ITGA11: variants seen among roughly 807,000 people sequenced by gnomAD.
ITGA11 encodes integrin alpha-11.
ITGA11 carries 97 observed loss-of-function variants against 141.9 expected under a neutral mutation model. The ratio of observed to expected loss-of-function variants is 0.68; its 90% CI spans 0.58 to 0.81. ITGA11 has a LOEUF of 0.81. Ranked by LOEUF, ITGA11 falls within the 30% of genes least tolerant of loss-of-function variation. ITGA11 has a pLI of 0.00. For synonymous variants in ITGA11, 658 were observed against 624.6 expected, an observed-to-expected ratio of 1.05 and a Z score of -0.80; for missense variants, 1,387 against 1,559.2, an observed-to-expected ratio of 0.89 and a Z score of 1.86.
chr15:68,316,014 A>G (rs964436458), intron 21 of ITGA11, among the ~76,000 whole-genome samples: 3 of 152,214 alleles, frequency 2.0e-5, no homozygotes, highest in Non-Finnish European at 2.9e-5. Flanking sequence ...TTTTTAGCAA[A>G]AGGCAACCAG....
intron 10 of ITGA11, among the ~76,000 whole-genome samples, chr15:68,340,172 G>A (rs560259361): frequency 5.4e-5 from 8 of 148,744 alleles, no homozygotes; most frequent in East Asian, 4.0e-4. Context: ...ATTGTCCCCC[G>A]TATCCCCGCC....
chr15:68,326,560 G>T lies in ITGA11; in HGVS notation c.2211+94C>A. 2 of 1,395,746 alleles carry T rather than the reference G, an allele frequency of 1.4e-6. No individual in the cohort carries two copies. The highest frequency in any genetic ancestry group is 1.9e-6 in the Non-Finnish European group (2 of 1,039,836). 86.5% of individuals were successfully genotyped at this position (1,395,746 alleles called of 1,614,324 possible). On this transcript the variant is annotated intron_variant, in intron 17 of 29. Transcript: ENST00000315757. This position sits in a 1 kb window ranked among gnomAD's most constrained non-coding sequence, Gnocchi z 6.8. ...GCTGGCTTCCTGAGGTCTGCTGGGG[G>T]CTTAGAACCAGCCAGGCAGACTCTC...
intron 6 of ITGA11, among the ~76,000 whole-genome samples, 174 bp from the exon 7 acceptor site, chr15:68,357,473 G>A (rs1895106561): frequency 6.6e-6 from 1 of 152,216 alleles, no homozygotes; most frequent in Non-Finnish European, 1.5e-5. Context: ...GTTCTGCAAA[G>A]TTCTAGGAAT....
chr15:68,333,447 T>C lies in ITGA11; in HGVS notation c.1426-969A>G, dbSNP rs1894243476. On this transcript the variant is annotated intron_variant, in intron 12 of 29. Coordinates refer to ENST00000315757, the MANE Select transcript of ITGA11 (RefSeq NM_001004439.2). This position sits in a 1 kb window ranked among gnomAD's most constrained non-coding sequence, Gnocchi z 4.2. ...GGCATTAGCATCGTGGATGGTGAATTATGATTTCTTTCAGTGTCTGAGCAC... is the reference window on the plus strand; with the variant it reads ...GGCATTAGCATCGTGGATGGTGAATCATGATTTCTTTCAGTGTCTGAGCAC... 6.6e-6 allele frequency among the ~76,000 whole-genome samples: 1 copy of C among 152,202 alleles called. No individual in the cohort carries two copies. The highest frequency in any genetic ancestry group is 1.5e-5 in the Non-Finnish European group (1 of 68,024).
At position 68,311,335 on chromosome 15, in the gene ITGA11, C is replaced by A; in HGVS notation, c.3042G>T (p.Arg1014Ser). 1 of 1,579,288 alleles carries A rather than the reference C, an allele frequency of 6.3e-7. No homozygotes were observed. The highest frequency in any genetic ancestry group is 8.6e-7 in the Non-Finnish European group (1 of 1,161,512). The change falls in exon 25 of 30, where the codon AGG becomes AGT. Residue 1014 changes from arginine to serine, a missense_variant. Transcript: ENST00000315757. ...MMKITIPIAT[R>S]SGNRLLKLRD... is the part of the protein sequence containing the mutation. ...TCAGCTTCAGTAGGCGGTTGCCGCT[C>A]CTGGTGGCGATGGGAATGGTGATCT...
At chr15:68,340,568 A>C (rs1033594748) in intron 10 of ITGA11, among the ~76,000 whole-genome samples, 22 of 152,082 alleles carry the variant, frequency 1.4e-4, no homozygotes, top group African/African-American at 5.1e-4. Flanking sequence ...GCCAGCACCC[A>C]AGGCACTGGT....
intron 1 of ITGA11, among the ~76,000 whole-genome samples, chr15:68,431,389 T>C (rs2140450534): frequency 6.6e-6 from 1 of 152,246 alleles, no homozygotes; most frequent in South Asian, 2.1e-4. Flanking sequence ...GTTTCGGGGG[T>C]CCTGCGCTGC....
Position 68,365,419 on chromosome 15 carries a change from T to C in ITGA11, c.266-621A>G, listed in dbSNP as rs1017529723. On this transcript the variant is annotated intron_variant, in intron 3 of 29. Coordinates refer to ENST00000315757, the MANE Select transcript of ITGA11 (RefSeq NM_001004439.2). ...AGCTGGGTTATCAGCCTGCTGGGAA[T>C]AGGGAGAGGGTCAGCTCTGCGGCAG... is the stretch of plus-strand genomic sequence containing the variant. The C allele has an allele frequency of 3.9e-6, 3 of 774,904 alleles. No individual in the cohort carries two copies. In the South Asian group the frequency reaches 1.7e-4, roughly 45 times the overall value. 48.0% of individuals were successfully genotyped at this position (774,904 alleles called of 1,614,324 possible).
intron 5 of ITGA11, 143 bp downstream of exon 5, chr15:68,361,446 CA>C (rs1895240357): frequency 1.6e-6 from 1 of 611,566 alleles, no homozygotes; most frequent in Non-Finnish European, 3.0e-6. Context: ...TGGAGTGATA[CA>C]TTCCAGGTCA....
chr15:68,354,319 A>G (rs938237868), intron 7 of ITGA11, among the ~76,000 whole-genome samples: 5 of 152,198 alleles, frequency 3.3e-5, no homozygotes, highest in African/African-American at 1.2e-4. Context: ...TTATGTGGAC[A>G]AAGGTAGAAT....
At position 68,332,080 on chromosome 15, in the gene ITGA11, G is replaced by GA; in HGVS notation, c.1567-19dup. The GA allele has an allele frequency of 1.3e-6, 2 of 1,569,640 alleles. No homozygotes were observed. The highest frequency in any genetic ancestry group is 1.4e-5 in the African/African-American group (1 of 74,060). ...AACAGGTTCTGCAAAACCAGGGGCA[G>GA]AAAAAGGCTGGGGAGGGTTTGGCAA... On this transcript the variant is annotated intron_variant, in intron 13 of 29. Transcript: ENST00000315757.
chr15:68,353,747 G>A (rs1894984087), intron 7 of ITGA11, among the ~76,000 whole-genome samples: 1 of 152,124 alleles, frequency 6.6e-6, no homozygotes, highest in Non-Finnish European at 1.5e-5. Context: ...CTAGAAACCA[G>A]AGTGGCCCAT....
chr15:68,379,097 C>T (rs917041182), intron 2 of ITGA11, among the ~76,000 whole-genome samples: 1 of 152,176 alleles, frequency 6.6e-6, no homozygotes, highest in Non-Finnish European at 1.5e-5. Context: ...TGTCAATCTT[C>T]AGCACCCCTC....
chr15:68,376,088 A>G (rs1394254689), intron 2 of ITGA11, among the ~76,000 whole-genome samples: 1 of 152,152 alleles, frequency 6.6e-6, no homozygotes, highest in Non-Finnish European at 1.5e-5. Flanking sequence ...CTTAAGTTTG[A>G]GAAGCATGAG....
chr15:68,339,752 C>T (rs1894503249), intron 10 of ITGA11, 108 bp from the exon 11 acceptor site: 5 of 1,307,338 alleles, frequency 3.8e-6, no homozygotes, highest in Non-Finnish European at 5.4e-6. Context: ...ACCTCGGGCA[C>T]CTTCTCCTGG....
In ITGA11 at chr15:68,300,738, A is replaced by C. The variant is rs947336533; in HGVS notation, c.*2321T>G. 1 of 151,890 alleles carries C rather than the reference A, an allele frequency of 6.6e-6. No individual in the cohort carries two copies. The highest frequency in any genetic ancestry group is 2.4e-5 in the African/African-American group (1 of 41,308). The allele number at this position is 151,890 out of a possible 1,614,324, so 9.4% of individuals were successfully genotyped here. ...GGTGTGAAGGACTGTGGAGTTCTGGAATAAGGGCTGCTTGCCTCTGACCGA... is the reference window on the plus strand; with the variant it reads ...GGTGTGAAGGACTGTGGAGTTCTGGCATAAGGGCTGCTTGCCTCTGACCGA... On this transcript the variant is annotated 3_prime_UTR_variant, in exon 30 of 30. Coordinates refer to ENST00000315757, the MANE Select transcript of ITGA11 (RefSeq NM_001004439.2).
intron 1 of ITGA11, among the ~76,000 whole-genome samples, chr15:68,412,256 G>A (rs570254067): frequency 2.2e-4 from 34 of 152,250 alleles, no homozygotes; most frequent in Admixed American, 1.2e-3. Context: ...CTGGGGACTC[G>A]TGGTTGCTGG....
chr15:68,412,429 C>T (rs1422822403), intron 1 of ITGA11, among the ~76,000 whole-genome samples: 2 of 152,028 alleles, frequency 1.3e-5, no homozygotes, highest in Non-Finnish European at 2.9e-5. Context: ...CTGGGTTGTC[C>T]TGAATCACTC....
chr15:68,344,882 C>T (rs1369261739), intron 10 of ITGA11, among the ~76,000 whole-genome samples: 1 of 152,176 alleles, frequency 6.6e-6, no homozygotes, highest in Admixed American at 6.5e-5. Flanking sequence ...CTTCTGTAAA[C>T]TTTTGGAGTT....
Sources: allele counts gnomAD v4.1 joint callset (sites outside exome capture counted in the v4.1 genomes callset), GRCh38; gene constraint gnomAD v4.1.1; non-coding constraint Gnocchi (gnomAD v3.1); transcripts MANE v1.5; gene names NCBI Gene and HGNC (gene_info 2026-07-23, HGNC 2026-07-21).